The following ANTXR1 variants were observed in gnomAD, a reference collection of about 807,000 sequenced individuals.
ANTXR1 encodes the protein anthrax toxin receptor 1.
In ANTXR1, 19 loss-of-function variants were observed where a neutral mutation model predicts 78.1. That is an observed-to-expected ratio of 0.24 (90% confidence interval 0.17 to 0.36). The LOEUF is 0.36. ANTXR1 is among the 10% of genes least tolerant of loss of function. The probability of loss-of-function intolerance (pLI) is 1.00; values close to 1 mark genes in which losing one functional copy is unlikely to be tolerated. For synonymous variants in ANTXR1, 273 were observed against 260.5 expected (o/e 1.05, Z -0.46); for missense variants, 518 against 718.6 (o/e 0.72, Z 3.19).
chr2:69,167,899 G>A (rs1295813003), intron 13 of ANTXR1, among the ~76,000 whole-genome samples: 1 of 152,126 alleles, frequency 6.6e-6, no homozygotes, highest in Non-Finnish European at 1.5e-5. Flanking sequence ...CTTAGGGTCT[G>A]GCACATTGCA....
chr2:69,241,875 CTGAT>C (rs1238706092), intron 17 of ANTXR1, among the ~76,000 whole-genome samples: 5 of 152,138 alleles, frequency 3.3e-5, no homozygotes, highest in Non-Finnish European at 7.4e-5. Context: ...CTTCATAACA[CTGAT>C]TAAGGGAGTC....
chr2:69,193,460 C>CACAT, intron 17 of ANTXR1, 45 bp downstream of exon 17: 3 of 1,082,370 alleles, frequency 2.8e-6, no homozygotes, highest in Non-Finnish European at 3.9e-6. Flanking sequence ...CTCTCTCTCT[C>CACAT]ACATACACAC....
At chr2:69,038,996 T>C (rs1176480069) in intron 1 of ANTXR1, among the ~76,000 whole-genome samples, 1 of 152,200 alleles carries the variant, frequency 6.6e-6, no homozygotes, top group Non-Finnish European at 1.5e-5. Flanking sequence ...AATAGCTCTC[T>C]GGATGTTAAA....
At chr2:69,192,925 GAATTTA>G (rs201395240) in intron 16 of ANTXR1, among the ~76,000 whole-genome samples, 4,678 of 152,240 alleles carry the variant, frequency 0.031, 238 homozygotes, top group African/African-American at 0.11. Flanking sequence ...TAATTTTCCA[GAATTTA>G]TCATTAGTGT....
At chr2:69,094,048 T>C (rs1671320359) in intron 9 of ANTXR1, among the ~76,000 whole-genome samples, 1 of 152,238 alleles carries the variant, frequency 6.6e-6, no homozygotes, top group Admixed American at 6.5e-5. Context: ...ATTTCTTCCA[T>C]AGATTTCCTT....
chr2:69,076,227 A>C (rs562427313), intron 7 of ANTXR1, among the ~76,000 whole-genome samples: 2 of 152,174 alleles, frequency 1.3e-5, no homozygotes, highest in East Asian at 3.9e-4. Flanking sequence ...TCCTCCCAAC[A>C]TGGCCTCCTA....
At chr2:69,141,921 C>T (rs1673080027) in intron 12 of ANTXR1, among the ~76,000 whole-genome samples, 1 of 152,168 alleles carries the variant, frequency 6.6e-6, no homozygotes, top group African/African-American at 2.4e-5. Flanking sequence ...TTATGAGAAC[C>T]AGTGAAGTCC....
rs1034341429 is a variant in ANTXR1, at chr2:69,015,019, C to G, written c.152+1368C>G. ...GTGCATGAAAACAGTCGGAGGTGCT[C>G]CTCCTCCGTGCTTTTTTAAAAAGCC... is the stretch of plus-strand genomic sequence containing the variant. On this transcript the variant is annotated intron_variant, in intron 1 of 17. Transcript: ENST00000303714. Among the ~76,000 whole-genome samples the G allele has an allele frequency of 2.6e-5, 4 of 151,592 alleles. No individual in the cohort carries two copies. The South Asian group carries it at 8.3e-4, about 32-fold the overall frequency.
chr2:69,030,001 C>A (rs777839755), intron 1 of ANTXR1, among the ~76,000 whole-genome samples: 2 of 152,152 alleles, frequency 1.3e-5, no homozygotes, highest in African/African-American at 2.4e-5. Flanking sequence ...CAAGAAGATG[C>A]GGTTTATTCT....
intron 17 of ANTXR1, among the ~76,000 whole-genome samples, chr2:69,235,282 C>T (rs1675728265): frequency 6.6e-6 from 1 of 151,932 alleles, no homozygotes; most frequent in East Asian, 1.9e-4. Context: ...CTTGGCCTCC[C>T]AAAGTGCTAG....
intron 12 of ANTXR1, among the ~76,000 whole-genome samples, chr2:69,128,674 T>C (rs1215389653): frequency 6.6e-6 from 1 of 152,168 alleles, no homozygotes; most frequent in Non-Finnish European, 1.5e-5. Flanking sequence ...AAACTATCAT[T>C]GGGCAAAATA....
At chr2:69,042,718 C>A (rs1396623811) in intron 2 of ANTXR1, among the ~76,000 whole-genome samples, 1 of 152,142 alleles carries the variant, frequency 6.6e-6, no homozygotes, top group Admixed American at 6.5e-5. Flanking sequence ...ATTCCTTAAC[C>A]CACTGCTGTC....
intron 8 of ANTXR1, among the ~76,000 whole-genome samples, chr2:69,083,887 T>C (rs1670967667): frequency 6.6e-6 from 1 of 152,212 alleles, no homozygotes; most frequent in South Asian, 2.1e-4. Flanking sequence ...GAATCTTTTT[T>C]CAAAAAAATC....
intron 10 of ANTXR1, among the ~76,000 whole-genome samples, chr2:69,113,167 A>G (rs1251468967): frequency 6.6e-6 from 1 of 152,112 alleles, no homozygotes; most frequent in African/African-American, 2.4e-5. Flanking sequence ...TTGCTTGTGA[A>G]CTTCTCTGAA....
chr2:69,071,765 G>C lies in ANTXR1; in HGVS notation c.390G>C (p.Gln130His). ...CATATGTTTTTCAGGCCAGTGAGCAGATTTATTATGAAAACAGACAAGGTA... is the reference window on the plus strand; with the variant it reads ...CATATGTTTTTCAGGCCAGTGAGCACATTTATTATGAAAACAGACAAGGTA... ...MHEGFERASE[Q>H]IYYENRQGYR... is the part of the protein sequence containing the mutation. Residue 130 changes from glutamine to histidine, a missense_variant, in exon 5 of 18, where the codon CAG becomes CAC. Coordinates refer to ENST00000303714, the MANE Select transcript of ANTXR1 (RefSeq NM_032208.3). 1 of 1,613,866 alleles carries C rather than the reference G, an allele frequency of 6.2e-7. No homozygotes were observed. Among genetic ancestry groups the C allele is most frequent in the Non-Finnish European group, 8.5e-7 (1 of 1,179,808 alleles).
chr2:69,166,031 G>A (rs1280985783), intron 13 of ANTXR1, among the ~76,000 whole-genome samples: 1 of 152,218 alleles, frequency 6.6e-6, no homozygotes, highest in African/African-American at 2.4e-5. Context: ...TCCCAGGCAT[G>A]AAACAGGCCC....
intron 1 of ANTXR1, among the ~76,000 whole-genome samples, chr2:69,039,837 T>G (rs73934658): frequency 6.6e-6 from 1 of 151,406 alleles, no homozygotes; most frequent in African/African-American, 2.4e-5. Flanking sequence ...AGTGCGAGAT[T>G]GGGGGAGTTC....
At chr2:69,045,027 A>T (rs1179707803) in intron 3 of ANTXR1, among the ~76,000 whole-genome samples, 1 of 152,196 alleles carries the variant, frequency 6.6e-6, no homozygotes, top group Admixed American at 6.5e-5. Flanking sequence ...TATTGGTGAA[A>T]TTTTATAAAT....
chr2:69,206,750 G>T (rs746365815), intron 17 of ANTXR1, among the ~76,000 whole-genome samples: 7 of 152,134 alleles, frequency 4.6e-5, no homozygotes. Context: ...TCAGGAATAA[G>T]CCCATGAGAA....
Sources: allele counts gnomAD v4.1 joint callset (sites outside exome capture counted in the v4.1 genomes callset), GRCh38; gene constraint gnomAD v4.1.1; transcripts MANE v1.5; gene names NCBI Gene and HGNC (gene_info 2026-07-23, HGNC 2026-07-21).